The following RNF157 variants were observed in gnomAD, a reference collection of about 807,000 sequenced individuals.
RNF157 encodes the protein E3 ubiquitin ligase RNF157.
RNF157 carries 55 observed loss-of-function variants against 88.3 expected under a neutral mutation model. The observed-to-expected ratio is 0.62, with a 90% CI of 0.50 to 0.78. The LOEUF is 0.78. RNF157 is among the 30% of genes least tolerant of loss of function. The pLI is 0.00. For missense variants in RNF157, 788 were observed against 860.8 expected, an observed-to-expected ratio of 0.92 and a Z score of 1.06; for synonymous variants, 334 against 341.2, an observed-to-expected ratio of 0.98 and a Z score of 0.23.
At chr17:76,236,808 C>A (rs552927847) in intron 1 of RNF157, among the ~76,000 whole-genome samples, 1 of 152,248 alleles carries the variant, frequency 6.6e-6, no homozygotes, top group African/African-American at 2.4e-5. Flanking sequence ...CACAAAGAAA[C>A]TTATCAAATA....
At chr17:76,179,418 G>C (rs555126743) in intron 2 of RNF157, among the ~76,000 whole-genome samples, 1 of 151,884 alleles carries the variant, frequency 6.6e-6, no homozygotes, top group Non-Finnish European at 1.5e-5. Context: ...GAGGCCAAGC[G>C]TGGTGGTTCA....
chr17:76,233,457 G>C (rs780951945), intron 1 of RNF157, among the ~76,000 whole-genome samples: 1 of 151,890 alleles, frequency 6.6e-6, no homozygotes. Flanking sequence ...AGAACTCTTC[G>C]CCCAATCCAA....
intron 2 of RNF157, among the ~76,000 whole-genome samples, chr17:76,209,481 C>CGT (rs1555660499): frequency 1.4e-5 from 2 of 139,570 alleles, no homozygotes; most frequent in African/African-American, 6.6e-5. Context: ...GATTTTTTTG[C>CGT]GTTTTTTTTT....
intron 2 of RNF157, among the ~76,000 whole-genome samples, chr17:76,184,189 TAAAA>T (rs542969861): frequency 9.0e-6 from 1 of 110,808 alleles, no homozygotes; most frequent in African/African-American, 3.3e-5. Context: ...AGACTCCATC[TAAAA>T]AAAAAAAAAA....
chr17:76,159,520 G>A lies in RNF157; in HGVS notation c.1119C>T (p.Leu373=). Residue 373 remains leucine (L), a synonymous_variant, in exon 12 of 19, where the codon CTC becomes CTT. Coordinates refer to ENST00000269391, the MANE Select transcript of RNF157 (RefSeq NM_052916.3). The part of the protein sequence containing the change: ...GYEVVSLLEA[L]NGPLTPSPAV... ...CTGGGGACGGGGTGAGGGGCCCGTT[G>A]AGGGCCTCCAGAAGAGATACTACTT... The A allele has an allele frequency of 1.2e-6, 2 of 1,606,122 alleles. No homozygotes were observed. Among genetic ancestry groups the A allele is most frequent in the Non-Finnish European group, 8.5e-7 (1 of 1,177,778 alleles).
At chr17:76,158,360 A>G (rs1349067125) in intron 13 of RNF157, 33 bp downstream of exon 13, 1 of 1,460,528 alleles carries the variant, frequency 6.8e-7, no homozygotes, top group South Asian at 1.1e-5. Context: ...CCTGGAGTAC[A>G]ACACCCAAGA....
rs1040507027 is a variant in RNF157, at chr17:76,145,456, G to A, written c.1922-103C>T. On this transcript the variant is annotated intron_variant, in intron 18 of 18. Coordinates refer to ENST00000269391, the MANE Select transcript of RNF157 (RefSeq NM_052916.3). ...GGAGCCGGCACGGAAGGAGCAGGAT[G>A]CGTGTCACCTGAGACTCCGATGACG... 12 of 764,096 alleles carry A rather than the reference G, an allele frequency of 1.6e-5. No individual in the cohort carries two copies. The African/African-American group carries it at 1.9e-4, about 12-fold the overall frequency. The allele number at this position is 764,096 out of a possible 1,614,324, so 47.3% of individuals were successfully genotyped here. A position where few individuals can be genotyped will look rare whatever the true frequency, so the allele number is the denominator to read the frequency against.
Position 76,161,491 on chromosome 17 carries a change from G to A in RNF157, c.1065+44C>T, listed in dbSNP as rs1036266570. 2 of 1,401,300 alleles carry A rather than the reference G, an allele frequency of 1.4e-6. No homozygotes were observed. The highest frequency in any genetic ancestry group is 2.3e-5 in the East Asian group (1 of 43,876). 86.8% of individuals were successfully genotyped at this position (1,401,300 alleles called of 1,614,324 possible). ...GCATGAAAAGTTTAAAAAAGCCAAT[G>A]AGGCATTTGCTTCAGAGGGGCCGTG... On this transcript the variant is annotated intron_variant, in intron 11 of 18. Transcript: ENST00000269391. The surrounding 1 kb of genome is among the most constrained non-coding windows in gnomAD (Gnocchi z 4.6).
chr17:76,173,687 C>T lies in RNF157; in HGVS notation c.296+15G>A. 6.3e-7 allele frequency: 1 copy of T among 1,589,912 alleles called. No individual in the cohort carries two copies. The highest frequency in any genetic ancestry group is 8.6e-7 in the Non-Finnish European group (1 of 1,163,590). The stretch of plus-strand genomic sequence containing the variant: ...GAAGGTGCCTGGGACCTGGCCCCAG[C>T]CTCTGGGAACTTACTTGACGAGCCT... On this transcript the variant is annotated intron_variant, in intron 3 of 18. Transcript: ENST00000269391.
chr17:76,172,288 T>A (rs555938783), intron 3 of RNF157, among the ~76,000 whole-genome samples: 2 of 152,128 alleles, frequency 1.3e-5, no homozygotes, highest in African/African-American at 4.8e-5. Context: ...TACTGCAGCC[T>A]GGGTGACAAA....
chr17:76,211,408 T>C (rs1474980642), intron 2 of RNF157, among the ~76,000 whole-genome samples: 1 of 152,216 alleles, frequency 6.6e-6, no homozygotes, highest in African/African-American at 2.4e-5. Context: ...TCCCACCACA[T>C]TCAATCACTT....
At chr17:76,194,454 C>T (rs909597520) in intron 2 of RNF157, among the ~76,000 whole-genome samples, 4 of 152,166 alleles carry the variant, frequency 2.6e-5, no homozygotes, top group South Asian at 2.1e-4. Flanking sequence ...TTCACTAGAG[C>T]CTGAGATGAC....
intron 2 of RNF157, among the ~76,000 whole-genome samples, chr17:76,200,020 G>A (rs1375585131): frequency 6.6e-6 from 1 of 151,962 alleles, no homozygotes; most frequent in Non-Finnish European, 1.5e-5. Flanking sequence ...GGCGGATCAC[G>A]AGGTCAGGAG....
At chr17:76,230,008 C>T (rs1383118979) in intron 1 of RNF157, among the ~76,000 whole-genome samples, 10 of 152,182 alleles carry the variant, frequency 6.6e-5, no homozygotes, top group Admixed American at 6.5e-4. Context: ...TACACCCCAA[C>T]TCATCATTCC....
At chr17:76,179,173 C>T (rs117997344) in intron 2 of RNF157, among the ~76,000 whole-genome samples, 3,501 of 152,116 alleles carry the variant, frequency 0.023, 56 homozygotes, top group Middle Eastern at 0.051. Context: ...GCAGAAAGAT[C>T]GCTTGAGCTT....
rs967267200 is a variant in RNF157, at chr17:76,145,348, A to T, written c.1927T>A (p.Trp643Arg). ...LCSEVCLPGA[W>R]QADDNAVSRN... ...CTGACGGCATTGTCATCAGCCTGCCAGGCACCTGGGGAAGAGAAAATGAAC... is the reference window on the plus strand; with the variant it reads ...CTGACGGCATTGTCATCAGCCTGCCTGGCACCTGGGGAAGAGAAAATGAAC... The change falls in exon 19 of 19, where the codon TGG (tryptophan) becomes AGG (arginine). Residue 643 changes from tryptophan to arginine, a missense_variant. Trp to Arg is a moderately radical substitution (Grantham distance 101). Transcript: ENST00000269391. 1 of 1,611,656 alleles carries T rather than the reference A, an allele frequency of 6.2e-7. No individual in the cohort carries two copies. Among genetic ancestry groups the T allele is most frequent in the Admixed American group, 1.7e-5 (1 of 59,882 alleles).
intron 3 of RNF157, among the ~76,000 whole-genome samples, chr17:76,170,258 C>T (rs2068993687): frequency 6.6e-6 from 1 of 151,964 alleles, no homozygotes; most frequent in Non-Finnish European, 1.5e-5. Context: ...GAGACAGGGT[C>T]TCACTCTTGC....
intron 12 of RNF157, 79 bp from the exon 13 acceptor site, chr17:76,158,580 G>T: frequency 1.0e-6 from 1 of 977,836 alleles, no homozygotes; most frequent in East Asian, 2.4e-5. Context: ...GAGCTGAGGG[G>T]AAAACCCAAA....
At chr17:76,238,238 T>C (rs949639400) in intron 1 of RNF157, among the ~76,000 whole-genome samples, 2 of 152,192 alleles carry the variant, frequency 1.3e-5, no homozygotes, top group African/African-American at 2.4e-5. Context: ...CTAGAGCATA[T>C]ATGCAAGCTC....
Sources: allele counts gnomAD v4.1 joint callset (sites outside exome capture counted in the v4.1 genomes callset), GRCh38; gene constraint gnomAD v4.1.1; non-coding constraint Gnocchi (gnomAD v3.1); transcripts MANE v1.5; gene names NCBI Gene and HGNC (gene_info 2026-07-23, HGNC 2026-07-21).